Variants in USP34 observed in about 807,000 individuals in gnomAD.
The protein encoded by USP34 is ubiquitin carboxyl-terminal hydrolase 34.
USP34 carries 70 observed loss-of-function variants against 460.3 expected under a neutral mutation model. That is an observed-to-expected ratio of 0.15 (90% CI 0.13 to 0.19). The LOEUF is 0.19. Ranked by LOEUF, USP34 falls within the 10% of genes least tolerant of loss-of-function variation. The pLI, the probability that USP34 is intolerant of heterozygous loss-of-function variation, is 1.00. For missense variants in USP34, 3,985 were observed against 4,236.2 expected, an observed-to-expected ratio of 0.94 and a Z score of 1.65; for synonymous variants, 1,647 against 1,405.3, an observed-to-expected ratio of 1.17 and a Z score of -3.85.
chr2:61,451,220 C>CAAAA lies in USP34; in HGVS notation c.43+19426_43+19429dup, dbSNP rs70963432. ...CAGGTGACAGTGTGAGGCTTCATCT[C>CAAAA]AAAAAAAAAAAAAAAAAAAAAAAAA... On this transcript the variant is annotated intron_variant, in intron 1 of 79. Transcript: ENST00000398571. 5.2e-3 allele frequency among the ~76,000 whole-genome samples: 263 copies of CAAAA among 50,736 alleles called. 29 individuals carry two copies. The highest frequency in any genetic ancestry group is 8.5e-3 in the African/African-American group (84 of 9,920). The allele number at this position is 50,736 out of a possible 152,430, so 33.3% of individuals were successfully genotyped here.
intron 6 of USP34, among the ~76,000 whole-genome samples, chr2:61,381,620 A>G (rs547145006): frequency 6.6e-6 from 1 of 152,288 alleles, no homozygotes; most frequent in African/African-American, 2.4e-5. Flanking sequence ...TACAGGCATG[A>G]GCCACCATGC....
intron 1 of USP34, among the ~76,000 whole-genome samples, chr2:61,461,067 T>C (rs188884821): frequency 1.8e-4 from 28 of 151,834 alleles, no homozygotes; most frequent in Admixed American, 2.6e-4. Context: ...ACTTACAAGT[T>C]AGAAAAAAAG....
At chr2:61,325,568 A>T in intron 20 of USP34, 111 bp from the exon 21 acceptor site, 1 of 581,182 alleles carries the variant, frequency 1.7e-6, no homozygotes, top group Non-Finnish European at 2.7e-6. Context: ...ATAATTCATA[A>T]TTATTTTAAC....
At chr2:61,366,232 C>A (rs1692436728) in intron 10 of USP34, among the ~76,000 whole-genome samples, 1 of 152,024 alleles carries the variant, frequency 6.6e-6, no homozygotes, top group Admixed American at 6.6e-5. Flanking sequence ...ACAGTGAATA[C>A]CTTTTTAAAA....
chr2:61,374,611 C>T (rs1383665639), intron 8 of USP34, among the ~76,000 whole-genome samples: 2 of 124,950 alleles, frequency 1.6e-5, no homozygotes, highest in African/African-American at 5.4e-5. Context: ...CTGGAGACTT[C>T]AATACTTTTT....
intron 10 of USP34, among the ~76,000 whole-genome samples, chr2:61,364,275 T>C (rs1395614709): frequency 2.6e-5 from 4 of 152,048 alleles, no homozygotes; most frequent in Non-Finnish European, 5.9e-5. Context: ...GGCCAGAGGG[T>C]CACTTGAGCC....
intron 1 of USP34, among the ~76,000 whole-genome samples, chr2:61,458,622 GAAAAA>G (rs59134299): frequency 1.8e-5 from 2 of 113,232 alleles, no homozygotes; most frequent in African/African-American, 3.4e-5. Flanking sequence ...AGGCAAAAAG[GAAAAA>G]AAAAAAAAAA....
chr2:61,446,820 T>C (rs1695133028), intron 1 of USP34, among the ~76,000 whole-genome samples: 1 of 150,798 alleles, frequency 6.6e-6, no homozygotes, highest in African/African-American at 2.4e-5. Flanking sequence ...AAAATTCCAC[T>C]GATCTACTTT....
Position 61,343,665 on chromosome 2 carries a change from T to C in USP34, c.2500+150A>G, listed in dbSNP as rs902140061. On this transcript the variant is annotated intron_variant, in intron 16 of 79. Transcript: ENST00000398571. ...ACTATTTATAATAATTTAATTCCCT[T>C]GGGGGAAAAAAAAAAACTACCATAT... 6 of 738,800 alleles carry C rather than the reference T, an allele frequency of 8.1e-6. No individual in the cohort carries two copies. In the African/African-American group the frequency reaches 1.1e-4, roughly 13 times the overall value. 45.8% of individuals were successfully genotyped at this position (738,800 alleles called of 1,614,324 possible).
chr2:61,350,224 T>C (rs763753521), intron 12 of USP34, 36 bp downstream of exon 12: 34 of 1,558,296 alleles, frequency 2.2e-5, no homozygotes, highest in Non-Finnish European at 2.8e-5. Context: ...TGAGAAGCTC[T>C]CAACAATTTA....
At chr2:61,288,309 C>T (rs1035082374) in intron 34 of USP34, among the ~76,000 whole-genome samples, 1 of 152,164 alleles carries the variant, frequency 6.6e-6, no homozygotes, top group African/African-American at 2.4e-5. Context: ...CTCACCACTC[C>T]CTTTTGTTTT....
chr2:61,395,717 C>T lies in USP34; in HGVS notation c.553-484G>A, dbSNP rs1229903848. On this transcript the variant is annotated intron_variant, in intron 3 of 79. Transcript: ENST00000398571. ...AGGAGAATGGCGTGAACCCGGAAGGCGGAGCTTGCAGTGAGCGGAGATCGC... is the reference window on the plus strand; with the variant it reads ...AGGAGAATGGCGTGAACCCGGAAGGTGGAGCTTGCAGTGAGCGGAGATCGC... Among the ~76,000 whole-genome samples the T allele has an allele frequency of 2.9e-5, 4 of 135,936 alleles. 1 individual carries two copies. The highest frequency in any genetic ancestry group is 1.7e-4 in the Admixed American group (2 of 11,920). 89.2% of individuals were successfully genotyped at this position (135,936 alleles called of 152,430 possible).
intron 1 of USP34, among the ~76,000 whole-genome samples, chr2:61,425,030 G>A (rs1010118629): frequency 6.6e-6 from 1 of 152,092 alleles, no homozygotes; most frequent in Non-Finnish European, 1.5e-5. Flanking sequence ...ACGTTGGCCA[G>A]GCTGGTCTCA....
intron 1 of USP34, among the ~76,000 whole-genome samples, chr2:61,429,947 C>T (rs1370073348): frequency 3.3e-5 from 5 of 152,168 alleles, no homozygotes; most frequent in Non-Finnish European, 7.3e-5. Context: ...GGCGCGGTGG[C>T]TCACGCCTGT....
At chr2:61,454,870 C>CT (rs935894179) in intron 1 of USP34, among the ~76,000 whole-genome samples, 59 of 36,280 alleles carry the variant, frequency 1.6e-3, no homozygotes, top group East Asian at 5.4e-3. Context: ...TTTTTTTTTT[C>CT]TTTTTTTTTT....
intron 57 of USP34, 31 bp from the exon 58 acceptor site, chr2:61,232,563 CA>C: frequency 6.6e-7 from 1 of 1,523,040 alleles, no homozygotes; most frequent in Non-Finnish European, 9.0e-7. Context: ...ATGACTTTAA[CA>C]TTCAACAAAT....
chr2:61,278,347 T>C (rs1489602337), intron 40 of USP34, 41 bp downstream of exon 40: 14 of 1,608,322 alleles, frequency 8.7e-6, no homozygotes, highest in Non-Finnish European at 1.2e-5. Flanking sequence ...TCTTTTATCT[T>C]TCCTCGACAA....
chr2:61,229,465 A>AC (rs1203999306), intron 59 of USP34, 83 bp downstream of exon 59: 26 of 633,202 alleles, frequency 4.1e-5, no homozygotes, highest in South Asian at 2.0e-4. Flanking sequence ...CTTAAAAAAA[A>AC]AAAAAAAAAA....
intron 16 of USP34, among the ~76,000 whole-genome samples, chr2:61,341,074 C>A (rs182238979): frequency 6.6e-6 from 1 of 152,234 alleles, no homozygotes; most frequent in Non-Finnish European, 1.5e-5. Context: ...TAGAACTGCA[C>A]ATAAGTAATA....
Sources: allele counts gnomAD v4.1 joint callset (sites outside exome capture counted in the v4.1 genomes callset), GRCh38; gene constraint gnomAD v4.1.1; transcripts MANE v1.5; gene names NCBI Gene and HGNC (gene_info 2026-07-23, HGNC 2026-07-21).